The following CCDC146 variants were observed in gnomAD, a reference collection of about 807,000 sequenced individuals.
CCDC146 encodes coiled-coil domain containing 146, also known as coiled-coil domain-containing protein 146.
In CCDC146, 92 loss-of-function variants were observed where a neutral mutation model predicts 119.3. The observed-to-expected ratio is 0.77, with a 90% CI of 0.65 to 0.92. CCDC146 has a LOEUF of 0.92. CCDC146 is among the 40% of genes least tolerant of loss of function. The pLI is 0.00. For synonymous variants in CCDC146, 372 were observed against 371.8 expected (o/e 1.00, Z -0.01); for missense variants, 1,000 against 1,103.0 (o/e 0.91, Z 1.32).
chr7:77,176,259 G>T (rs764182445), intron 2 of CCDC146, among the ~76,000 whole-genome samples: 2 of 151,076 alleles, frequency 1.3e-5, no homozygotes. Flanking sequence ...TCTTGAATTT[G>T]TGTTTTCCAT....
chr7:77,269,383 T>G (rs1793466709), intron 9 of CCDC146, among the ~76,000 whole-genome samples: 1 of 152,164 alleles, frequency 6.6e-6, no homozygotes, highest in South Asian at 2.1e-4. Flanking sequence ...TTCTCCGTGT[T>G]TTTTCTGTAT....
intron 17 of CCDC146, among the ~76,000 whole-genome samples, chr7:77,291,547 A>T (rs1026107745): frequency 6.6e-6 from 1 of 152,180 alleles, no homozygotes; most frequent in Non-Finnish European, 1.5e-5. Flanking sequence ...TCTACAAAAA[A>T]TACAAAAACA....
chr7:77,205,169 T>C (rs1475195220), intron 2 of CCDC146, among the ~76,000 whole-genome samples: 1 of 152,218 alleles, frequency 6.6e-6, no homozygotes, highest in Non-Finnish European at 1.5e-5. Context: ...ATATCTTGCC[T>C]TCATTTCTCA....
intron 2 of CCDC146, among the ~76,000 whole-genome samples, chr7:77,205,207 T>G (rs1271408962): frequency 6.6e-6 from 1 of 152,222 alleles, no homozygotes; most frequent in Non-Finnish European, 1.5e-5. Flanking sequence ...TCCTATAAAG[T>G]CATTGCGAAT....
At chr7:77,127,523 A>G (rs951039194) in intron 1 of CCDC146, among the ~76,000 whole-genome samples, 25 of 152,208 alleles carry the variant, frequency 1.6e-4, no homozygotes, top group African/African-American at 6.0e-4. Context: ...GAGGATTTTT[A>G]CATTTTATTT....
At position 77,259,996 on chromosome 7, in the gene CCDC146, G is replaced by GTGTGTGTA. The variant is rs1554358925; in HGVS notation, c.759-12_759-11insGTGTGTAT. On this transcript the variant is annotated splice_polypyrimidine_tract_variant and intron_variant, in intron 7 of 18. Coordinates refer to ENST00000285871, the MANE Select transcript of CCDC146 (RefSeq NM_020879.3). ...TGTGTGTGTGTGTGTGTGTGTGTGTGTATCCCCTACAGAGAAATGGAAAAG... is the reference window on the plus strand; with the variant it reads ...TGTGTGTGTGTGTGTGTGTGTGTGTGTGTGTGTATATCCCCTACAGAGAAATGGAAAAG... 2.1e-6 allele frequency: 2 copies of GTGTGTGTA among 960,218 alleles called. No homozygotes were observed. Among genetic ancestry groups the GTGTGTGTA allele is most frequent in the African/African-American group, 3.6e-5 (2 of 56,230 alleles). 59.5% of individuals were successfully genotyped at this position (960,218 alleles called of 1,614,324 possible). A position where few individuals can be genotyped will look rare whatever the true frequency, so the allele number is the denominator to read the frequency against.
intron 1 of CCDC146, among the ~76,000 whole-genome samples, chr7:77,133,652 CTTT>C (rs71524906): frequency 5.8e-5 from 8 of 137,822 alleles, no homozygotes; most frequent in South Asian, 4.6e-4. Flanking sequence ...CCTGGAACAC[CTTT>C]TTTTTTTTTT....
At chr7:77,129,168 T>A (rs1488337180) in intron 1 of CCDC146, among the ~76,000 whole-genome samples, 1 of 152,084 alleles carries the variant, frequency 6.6e-6, no homozygotes, top group Non-Finnish European at 1.5e-5. Context: ...TTGCACACAG[T>A]TCTGAGAACA....
rs1340091582 is a variant in CCDC146 at position 77,280,539 on chromosome 7, A to G, written c.1805A>G (p.Lys602Arg). 6.2e-7 allele frequency: 1 copy of G among 1,614,116 alleles called. No individual in the cohort carries two copies. The highest frequency in any genetic ancestry group is 8.5e-7 in the Non-Finnish European group (1 of 1,180,040). Residue 602 changes from lysine to arginine, a missense_variant, in exon 14 of 19, where the codon AAG becomes AGG. By Grantham distance (26) the Lys-to-Arg change is conservative. Around this residue, in one of 2 missense-constraint regions of CCDC146, gnomAD observed 985 missense variants for 1,045.3 expected, o/e 0.94. Coordinates refer to ENST00000285871, the MANE Select transcript of CCDC146 (RefSeq NM_020879.3). Reference sequence around the variant, plus strand: ...AAACTTCAGGAAATGAAAGAAAAGAAGGAAGCCCAGTTAAATAACATTGAC... The same window carrying G: ...AAACTTCAGGAAATGAAAGAAAAGAGGGAAGCCCAGTTAAATAACATTGAC... ...VSKLQEMKEK[K>R]EAQLNNIDRL...
rs935432701 is a variant in CCDC146 at position 77,242,635 on chromosome 7, G to A, written c.449+735G>A. On this transcript the variant is annotated intron_variant, in intron 4 of 18. Coordinates refer to ENST00000285871, the MANE Select transcript of CCDC146 (RefSeq NM_020879.3). ...GAATTTGAAAATGATTGCAATTCAA[G>A]TTTTCTGCTGTGGTGTGCTGTGTGC... Among the ~76,000 whole-genome samples the A allele has an allele frequency of 2.6e-5, 4 of 152,166 alleles. No individual in the cohort carries two copies. The South Asian group carries it at 6.2e-4, about 24-fold the overall frequency.
chr7:77,270,320 AT>A (rs796933663), intron 9 of CCDC146, among the ~76,000 whole-genome samples: 2,512 of 143,154 alleles, frequency 0.018, 20 homozygotes, highest in African/African-American at 0.04. Flanking sequence ...TAGGAAGCAG[AT>A]TTTTTTTTTT....
At chr7:77,203,039 C>T (rs923188726) in intron 2 of CCDC146, among the ~76,000 whole-genome samples, 4 of 140,908 alleles carry the variant, frequency 2.8e-5, no homozygotes, top group Admixed American at 7.1e-5. Flanking sequence ...TTGCCCCCCC[C>T]CCCCCCAGGA....
At chr7:77,248,177 G>A (rs561532171) in intron 4 of CCDC146, among the ~76,000 whole-genome samples, 8 of 152,274 alleles carry the variant, frequency 5.3e-5, no homozygotes, top group African/African-American at 1.9e-4. Context: ...CTCACAAACA[G>A]AAAGCCAAAT....
intron 4 of CCDC146, among the ~76,000 whole-genome samples, chr7:77,243,665 T>C (rs1792891765): frequency 6.6e-6 from 1 of 152,202 alleles, no homozygotes; most frequent in African/African-American, 2.4e-5. Flanking sequence ...TTTTGGAGTG[T>C]ACTCTTTCTA....
At chr7:77,170,115 C>T (rs1276233596) in intron 2 of CCDC146, among the ~76,000 whole-genome samples, 4 of 152,058 alleles carry the variant, frequency 2.6e-5, no homozygotes, top group Admixed American at 1.3e-4. Context: ...TTTTTCAACC[C>T]ACACTCCCCT....
chr7:77,180,001 G>A (rs1791557964), intron 2 of CCDC146, among the ~76,000 whole-genome samples: 2 of 152,042 alleles, frequency 1.3e-5, no homozygotes. Context: ...TCATGTTGTA[G>A]CATGTGTCAG....
At chr7:77,215,265 C>T (rs1240037743) in intron 2 of CCDC146, among the ~76,000 whole-genome samples, 1 of 150,948 alleles carries the variant, frequency 6.6e-6, no homozygotes, top group East Asian at 1.9e-4. Context: ...TAGTTGTTAG[C>T]TCATTGCCAG....
rs1377360514 is a variant in CCDC146 at position 77,274,572 on chromosome 7, C to CTAG, written c.1365_1367dup (p.Val456dup). The CTAG allele has an allele frequency of 6.2e-7, 1 of 1,612,680 alleles. No individual in the cohort carries two copies. Among genetic ancestry groups the CTAG allele is most frequent in the Non-Finnish European group, 8.5e-7 (1 of 1,179,114 alleles). Reference sequence around the variant, plus strand: ...AAAGGAGCAAGAAAACATGAAAGAGCTAGTAGTCAACCTTCTCCGCATGAC... The same window carrying CTAG: ...AAAGGAGCAAGAAAACATGAAAGAGCTAGTAGTAGTCAACCTTCTCCGCATGAC... On this transcript the variant is annotated inframe_insertion, in exon 11 of 19. Transcript: ENST00000285871.
chr7:77,230,520 C>G (rs201445375), intron 2 of CCDC146, among the ~76,000 whole-genome samples: 9 of 109,036 alleles, frequency 8.3e-5, no homozygotes, highest in African/African-American at 3.5e-4. Context: ...GTGTGTGTGT[C>G]TGTTTTTTCT....
Sources: allele counts gnomAD v4.1 joint callset (sites outside exome capture counted in the v4.1 genomes callset), GRCh38; gene constraint gnomAD v4.1.1; regional missense constraint gnomAD v4.1.1; transcripts MANE v1.5; gene names NCBI Gene and HGNC (gene_info 2026-07-23, HGNC 2026-07-21).